The following NEK5 variants were observed in gnomAD, a reference collection of about 807,000 sequenced individuals.
NEK5 encodes the protein serine/threonine-protein kinase Nek5.
In NEK5, 88 loss-of-function variants were observed where a neutral mutation model predicts 109.2. That is an observed-to-expected ratio of 0.81 (90% CI 0.68 to 0.96). The LOEUF (loss-of-function observed/expected upper bound fraction) is 0.96. Ranked by LOEUF, NEK5 falls within the 40% of genes least tolerant of loss-of-function variation. The probability of loss-of-function intolerance (pLI) is 0.00; values close to 1 mark genes in which losing one functional copy is unlikely to be tolerated. For synonymous variants in NEK5, 283 were observed against 299.9 expected, an observed-to-expected ratio of 0.94 and a Z score of 0.58; for missense variants, 834 against 920.7, an observed-to-expected ratio of 0.91 and a Z score of 1.22.
chr13:52,090,797 G>A (rs1221959438), intron 13 of NEK5, among the ~76,000 whole-genome samples: 1 of 152,040 alleles, frequency 6.6e-6, no homozygotes, highest in Non-Finnish European at 1.5e-5. Flanking sequence ...AGGCCAAGGC[G>A]GGTGGATCAC....
chr13:52,074,511 C>T (rs1954833563), intron 19 of NEK5, among the ~76,000 whole-genome samples: 1 of 152,036 alleles, frequency 6.6e-6, no homozygotes, highest in Non-Finnish European at 1.5e-5. Context: ...AAAAGTAAGA[C>T]CTTAAACTAT....
intron 7 of NEK5, 48 bp from the exon 8 acceptor site, chr13:52,108,452 TAAG>T: frequency 8.2e-7 from 1 of 1,226,186 alleles, no homozygotes; most frequent in South Asian, 1.3e-5. Context: ...TTTATTGGAG[TAAG>T]AAAAGTCTTA....
rs534228900 is a variant in NEK5, at chr13:52,105,885, G to A, written c.555-1333C>T. 2.6e-5 allele frequency among the ~76,000 whole-genome samples: 4 copies of A among 151,690 alleles called. No homozygotes were observed. In the South Asian group the frequency reaches 8.3e-4, roughly 32 times the overall value. ...AATATTTAATTTTTTTTTGGATGTA[G>A]TGACAGGGTCTCACAATGTTGTCCA... On this transcript the variant is annotated intron_variant, in intron 8 of 23. Coordinates refer to ENST00000684899, the MANE Select transcript of NEK5 (RefSeq NM_001365552.1).
chr13:52,098,694 C>T (rs969392893), intron 12 of NEK5, among the ~76,000 whole-genome samples: 8 of 152,110 alleles, frequency 5.3e-5, no homozygotes, highest in Non-Finnish European at 2.9e-5. Flanking sequence ...ATGTTACTCA[C>T]TTTTCCTATA....
At chr13:52,042,160 A>G (rs1954420192) in intron 23 of NEK5, among the ~76,000 whole-genome samples, 1 of 152,024 alleles carries the variant, frequency 6.6e-6, no homozygotes, top group African/African-American at 2.4e-5. Flanking sequence ...ATTACTGCTG[A>G]AGACTCAAGT....
rs2137763535 is a variant in NEK5 at position 52,065,534 on chromosome 13, T to C, written c.1925A>G (p.Gln642Arg). The change falls in exon 21 of 24, where the codon CAG (glutamine) becomes CGG (arginine). Residue 642 changes from glutamine (Q) to arginine (R), a missense_variant. Physicochemically the swap from Gln to Arg is conservative, Grantham distance 43. Around this residue, in one of 2 missense-constraint regions of NEK5, gnomAD observed 777 missense variants for 824.7 expected, o/e 0.94. Coordinates refer to ENST00000684899, the MANE Select transcript of NEK5 (RefSeq NM_001365552.1). ...GGTGATGTCGGCCACTGCCATCATC[T>C]GCAGCAGAGTCTGAGGCGCTCCTCC... ...WDGGAPQTLL[Q>R]MMAVADITST... 1 of 1,613,940 alleles carries C rather than the reference T, an allele frequency of 6.2e-7. No individual in the cohort carries two copies. The highest frequency in any genetic ancestry group is 8.5e-7 in the Non-Finnish European group (1 of 1,179,764).
intron 23 of NEK5, among the ~76,000 whole-genome samples, chr13:52,040,171 G>A (rs1023014234): frequency 7.7e-5 from 11 of 143,734 alleles, no homozygotes; most frequent in South Asian, 2.3e-4. Context: ...TGCAACCTCC[G>A]CCTCCCAGGT....
intron 3 of NEK5, among the ~76,000 whole-genome samples, chr13:52,121,849 T>C (rs1955976278): frequency 6.6e-6 from 1 of 152,198 alleles, no homozygotes; most frequent in Non-Finnish European, 1.5e-5. Flanking sequence ...TAAATGCTAT[T>C]GAATCGTAGC....
At chr13:52,117,182 G>A (rs140036807) in intron 4 of NEK5, among the ~76,000 whole-genome samples, 7,726 of 152,244 alleles carry the variant, frequency 0.051, 265 homozygotes, top group Non-Finnish European at 0.077. Context: ...GCCTCCCAGG[G>A]TGCTGGGATT....
intron 4 of NEK5, among the ~76,000 whole-genome samples, chr13:52,114,686 G>T (rs1363485367): frequency 2.0e-5 from 3 of 152,220 alleles, no homozygotes; most frequent in African/African-American, 7.2e-5. Context: ...GGAGGGTGAG[G>T]AGAAAGCGCA....
intron 13 of NEK5, among the ~76,000 whole-genome samples, chr13:52,089,873 G>C (rs1489601051): frequency 2.0e-5 from 3 of 151,892 alleles, no homozygotes; most frequent in Non-Finnish European, 4.4e-5. Context: ...CCCAGCTACT[G>C]GGGAGGCTGA....
intron 8 of NEK5, among the ~76,000 whole-genome samples, chr13:52,105,819 A>C (rs533436009): frequency 6.6e-6 from 1 of 152,270 alleles, no homozygotes; most frequent in East Asian, 1.9e-4. Flanking sequence ...AAGATCTTCC[A>C]ATTTTCAGAG....
chr13:52,127,212 T>C (rs1027446400), intron 3 of NEK5, among the ~76,000 whole-genome samples, 154 bp downstream of exon 3: 3 of 152,224 alleles, frequency 2.0e-5, no homozygotes, highest in Admixed American at 1.3e-4. Context: ...CATTGGTTGC[T>C]GTTTGGACAA....
chr13:52,064,432 C>T (rs1288717075), intron 21 of NEK5, among the ~76,000 whole-genome samples: 14 of 145,538 alleles, frequency 9.6e-5, no homozygotes, highest in African/African-American at 3.1e-4. Context: ...CCAGCCACCC[C>T]GTCCGGGAGG....
chr13:52,103,579 G>A (rs989740307), intron 9 of NEK5, among the ~76,000 whole-genome samples: 1 of 152,236 alleles, frequency 6.6e-6, no homozygotes, highest in Non-Finnish European at 1.5e-5. Flanking sequence ...CCCGTGGCTG[G>A]TGTCTGGGAA....
rs1187628465 is a variant in NEK5, at chr13:52,083,334, G to A, written c.1498C>T (p.His500Tyr). 1 of 1,610,178 alleles carries A rather than the reference G, an allele frequency of 6.2e-7. No individual in the cohort carries two copies. The highest frequency in any genetic ancestry group is 8.5e-7 in the Non-Finnish European group (1 of 1,176,558). ...REPEENSKIS[H>Y]KTYLVKKSNL... is the part of the protein sequence containing the mutation. ...CTCTTCTTCACCAAATAGGTTTTAT[G>A]ACTTATTTTTGAGTTCTCCTTTAAC... The change falls in exon 17 of 24, where the codon CAT (histidine) becomes TAT (tyrosine). Residue 500 changes from histidine (H) to tyrosine (Y), a missense_variant. This residue lies in a region of NEK5 where 777 missense variants were observed against 824.7 expected (regional missense o/e 0.94). Coordinates refer to ENST00000684899, the MANE Select transcript of NEK5 (RefSeq NM_001365552.1).
At chr13:52,059,970 AAAT>A (rs1002657690) in intron 22 of NEK5, among the ~76,000 whole-genome samples, 9 of 151,972 alleles carry the variant, frequency 5.9e-5, no homozygotes, top group Non-Finnish European at 1.2e-4. Flanking sequence ...AAAAATAAAA[AAAT>A]AATAATAATC....
intron 22 of NEK5, among the ~76,000 whole-genome samples, chr13:52,051,680 G>T (rs1954507560): frequency 6.6e-6 from 1 of 152,078 alleles, no homozygotes; most frequent in Non-Finnish European, 1.5e-5. Context: ...ATAAATCTCG[G>T]GACCGATTTA....
intron 5 of NEK5, 142 bp from the exon 6 acceptor site, chr13:52,110,719 G>T: frequency 3.9e-6 from 2 of 512,962 alleles, no homozygotes; most frequent in Non-Finnish European, 6.8e-6. Context: ...TTATAGGAAT[G>T]AAGTTAATAG....
Sources: gnomAD v4.1 joint callset for allele counts (sites outside exome capture counted in the v4.1 genomes callset) on GRCh38, gnomAD v4.1.1 for gene constraint, gnomAD v4.1.1 regional missense constraint, MANE v1.5 for transcripts, NCBI Gene and HGNC (gene_info 2026-07-23, HGNC 2026-07-21) for gene names.